The following OPHN1 variants were observed in gnomAD, a reference collection of about 807,000 sequenced individuals.
The protein encoded by OPHN1 is oligophrenin-1.
In OPHN1, 11 loss-of-function variants were observed where a neutral mutation model predicts 60.7. That is an observed-to-expected ratio of 0.18 (90% CI 0.11 to 0.30). The LOEUF is 0.30. Ranked by LOEUF, OPHN1 falls within the 10% of genes least tolerant of loss-of-function variation. The pLI is 1.00. For synonymous variants in OPHN1, 226 were observed against 222.6 expected, an observed-to-expected ratio of 1.02 and a Z score of -0.14; for missense variants, 449 against 611.0, an observed-to-expected ratio of 0.73 and a Z score of 2.80.
intron 20 of OPHN1, among the ~76,000 whole-genome samples, chrX:68,064,787 A>G (rs1156780970): frequency 8.9e-6 from 1 of 111,869 alleles, no homozygotes; most frequent in Non-Finnish European, 1.9e-5. Context: ...CCACACAAAT[A>G]TAGCAAAAAT....
rs754370927 is a variant in OPHN1, at chrX:68,386,455, T to A, written c.154+46412A>T. ...CTTTTCTTTTAAAGATTTATTTTTTTAAAAAGCAGTTATTTTCTATGGCAT... is the reference window on the plus strand; with the variant it reads ...CTTTTCTTTTAAAGATTTATTTTTTAAAAAAGCAGTTATTTTCTATGGCAT... On this transcript the variant is annotated intron_variant, in intron 2 of 24. Transcript: ENST00000355520. 9.8e-5 allele frequency among the ~76,000 whole-genome samples: 11 copies of A among 112,011 alleles called. No individual in the cohort carries two copies. The East Asian group carries it at 1.1e-3, about 11-fold the overall frequency.
intron 2 of OPHN1, among the ~76,000 whole-genome samples, chrX:68,311,598 C>A (rs5964663): frequency 0.082 from 9,040 of 110,647 alleles, 940 homozygotes; most frequent in African/African-American, 0.28. Context: ...GCACCTGGCT[C>A]ATTTTTGTAT....
At chrX:68,390,180 A>G (rs1405432045) in intron 2 of OPHN1, among the ~76,000 whole-genome samples, 1 of 111,718 alleles carries the variant, frequency 9.0e-6, no homozygotes, top group Non-Finnish European at 1.9e-5. Flanking sequence ...CATGGGGATT[A>G]TGGGAACTAT....
intron 2 of OPHN1, among the ~76,000 whole-genome samples, chrX:68,430,376 G>C (rs2078879951): frequency 8.9e-6 from 1 of 111,802 alleles, no homozygotes; most frequent in Non-Finnish European, 1.9e-5. Flanking sequence ...TTTTCTACCT[G>C]TCCTATTTTT....
At chrX:68,225,561 T>C (rs1203767811) in intron 6 of OPHN1, among the ~76,000 whole-genome samples, 1 of 111,931 alleles carries the variant, frequency 8.9e-6, no homozygotes, top group African/African-American at 3.3e-5. Flanking sequence ...TTTGCCATTC[T>C]GCAATATTTG....
intron 3 of OPHN1, among the ~76,000 whole-genome samples, chrX:68,288,782 G>GA (rs943918294): frequency 9.1e-5 from 10 of 110,067 alleles, no homozygotes; most frequent in African/African-American, 3.0e-4. Context: ...AAAAGAAAAA[G>GA]AAAAAAAAGA....
chrX:68,268,570 A>C, intron 5 of OPHN1, among the ~76,000 whole-genome samples: 1 of 111,947 alleles, frequency 8.9e-6, no homozygotes, highest in East Asian at 2.8e-4. Flanking sequence ...TCAATAAATT[A>C]GGCATTGATG....
chrX:68,118,827 T>C (rs1387329811), intron 16 of OPHN1, among the ~76,000 whole-genome samples: 1 of 111,353 alleles, frequency 9.0e-6, no homozygotes, highest in Non-Finnish European at 1.9e-5. Context: ...ACGTAGCACA[T>C]CACACACATA....
intron 15 of OPHN1, among the ~76,000 whole-genome samples, chrX:68,128,759 A>AATGAGTG (rs1335162154): frequency 8.9e-6 from 1 of 112,435 alleles, no homozygotes; most frequent in East Asian, 2.8e-4. Flanking sequence ...AAACTAGCAA[A>AATGAGTG]ATGAGTGAAA....
intron 15 of OPHN1, among the ~76,000 whole-genome samples, chrX:68,134,900 C>G (rs1209540626): frequency 1.8e-5 from 2 of 111,322 alleles, no homozygotes; most frequent in Admixed American, 9.5e-5. Context: ...AAAGTAGCCT[C>G]TGTTTTGAGC....
intron 19 of OPHN1, among the ~76,000 whole-genome samples, chrX:68,084,208 C>A (rs1282146724): frequency 1.9e-5 from 2 of 107,692 alleles, no homozygotes; most frequent in Non-Finnish European, 3.8e-5. Flanking sequence ...AAGAACCTAG[C>A]CTGGAACATA....
In OPHN1 at chrX:68,113,213, T is replaced by C. The variant is rs1298777482; in HGVS notation, c.1388A>G (p.Tyr463Cys). ...AGAGACCAGCTCTTTGTGAAGTCTA[T>C]AGGTCATGACAGGTTCAGAAAGATT... ...LRNLSEPVMT[Y>C]RLHKELVSAA... Residue 463 changes from tyrosine to cysteine, a missense_variant, in exon 17 of 25, where the codon TAT becomes TGT. Tyr to Cys is a radical substitution (Grantham distance 194). This residue lies in a region of OPHN1 where 166 missense variants were observed against 278.4 expected (regional missense o/e 0.60). Transcript: ENST00000355520. The C allele has an allele frequency of 1.7e-6, 2 of 1,208,498 alleles. No homozygotes were observed. The highest frequency in any genetic ancestry group is 1.8e-5 in the South Asian group (1 of 56,892).
At chrX:68,393,885 G>GTTTTTTTTTTTTTTTTTTTT (rs1163192446) in intron 2 of OPHN1, among the ~76,000 whole-genome samples, 1 of 34,587 alleles carries the variant, frequency 2.9e-5, no homozygotes, top group African/African-American at 1.1e-4. Context: ...AATAGACTTT[G>GTTTTTTTTTTTTTTTTTTTT]TTTTTTTTTT....
intron 2 of OPHN1, among the ~76,000 whole-genome samples, chrX:68,371,362 C>T (rs1428633133): frequency 9.1e-6 from 1 of 109,555 alleles, no homozygotes; most frequent in Non-Finnish European, 1.9e-5. Context: ...GGACTATAGG[C>T]GTGAGCCACC....
intron 5 of OPHN1, among the ~76,000 whole-genome samples, chrX:68,263,710 G>A (rs982468741): frequency 5.4e-5 from 6 of 111,283 alleles, no homozygotes; most frequent in African/African-American, 2.0e-4. Flanking sequence ...TACCAAATGG[G>A]CAGGAGCTAC....
In OPHN1 at chrX:68,108,177, C is replaced by T. The variant is rs750504758; in HGVS notation, c.1526+3677G>A. Among the ~76,000 whole-genome samples, 3 of 112,426 alleles carry T rather than the reference C, an allele frequency of 2.7e-5. No homozygotes were observed. The East Asian group carries it at 8.4e-4, about 31-fold the overall frequency. ...AGTGTCAGCCCTTTCAAGGTTTCTA[C>T]GTCCTTTGGACATGACACTATTAGT... On this transcript the variant is annotated intron_variant, in intron 18 of 24. Coordinates refer to ENST00000355520, the MANE Select transcript of OPHN1 (RefSeq NM_002547.3).
Position 68,145,308 on chromosome X carries a change from T to A in OPHN1, c.1277-25976A>T, listed in dbSNP as rs181888985. Among the ~76,000 whole-genome samples the A allele has an allele frequency of 1.2e-4, 13 of 111,872 alleles. No individual in the cohort carries two copies. In the East Asian group the frequency reaches 3.4e-3, roughly 29 times the overall value. ...TCATATCACCTATCACAAACTGTTA[T>A]TGCATTGAAAACCTCCAAATATATG... On this transcript the variant is annotated intron_variant, in intron 15 of 24. Coordinates refer to ENST00000355520, the MANE Select transcript of OPHN1 (RefSeq NM_002547.3).
At chrX:68,311,919 T>G (rs998977794) in intron 2 of OPHN1, among the ~76,000 whole-genome samples, 1 of 111,331 alleles carries the variant, frequency 9.0e-6, no homozygotes, top group Admixed American at 9.7e-5. Flanking sequence ...AACACACATT[T>G]TTTGAAATGC....
At chrX:68,178,351 T>C (rs918947232) in intron 15 of OPHN1, among the ~76,000 whole-genome samples, 6 of 111,994 alleles carry the variant, frequency 5.4e-5, no homozygotes, top group African/African-American at 1.9e-4. Flanking sequence ...TCATTCCAAA[T>C]GATCTGAAAT....
Sources: gnomAD v4.1 joint callset for allele counts (sites outside exome capture counted in the v4.1 genomes callset) on GRCh38, gnomAD v4.1.1 for gene constraint, gnomAD v4.1.1 regional missense constraint, MANE v1.5 for transcripts, NCBI Gene and HGNC (gene_info 2026-07-23, HGNC 2026-07-21) for gene names.